NCK2: variants seen among roughly 807,000 people sequenced by gnomAD.
NCK2 encodes the protein NCK adaptor protein 2.
Under a neutral mutation model 33.9 loss-of-function variants are expected in NCK2, and 16 were observed. That is an observed-to-expected ratio of 0.47 (90% CI 0.32 to 0.72). The LOEUF (loss-of-function observed/expected upper bound fraction) is 0.72, where lower values mean the gene tolerates loss of function less well. NCK2 is among the 30% of genes least tolerant of loss of function. The pLI, the probability that NCK2 is intolerant of heterozygous loss-of-function variation, is 0.03. For synonymous variants in NCK2, 273 were observed against 239.9 expected, an observed-to-expected ratio of 1.14 and a Z score of -1.27; for missense variants, 418 against 537.3, an observed-to-expected ratio of 0.78 and a Z score of 2.19.
rs998276512 is a variant in NCK2, at chr2:105,869,411, C to G, written c.227-11917C>G. Among the ~76,000 whole-genome samples the G allele has an allele frequency of 2.0e-5, 3 of 152,128 alleles. No homozygotes were observed. The East Asian group carries it at 5.8e-4, about 29-fold the overall frequency. The stretch of plus-strand genomic sequence containing the variant: ...ACAGCCCCACGGGTACCAGGGGTTT[C>G]CTTGTGTTACAGATGAAGACATGTA... On this transcript the variant is annotated intron_variant, in intron 3 of 4. Coordinates refer to ENST00000233154, the MANE Select transcript of NCK2 (RefSeq NM_003581.5).
chr2:105,745,110 C>T lies in NCK2; in HGVS notation c.-229C>T, dbSNP rs1423095245. The T allele has an allele frequency of 6.8e-5, 10 of 148,002 alleles. No homozygotes were observed. Among genetic ancestry groups the T allele is most frequent in the Admixed American group, 1.3e-4 (2 of 14,906 alleles). 9.2% of individuals were successfully genotyped at this position (148,002 alleles called of 1,614,324 possible). Reference sequence around the variant, plus strand: ...CCGCCCCGGGACCCGCGCCGCTGCCCTCCGGCTCCGCGGGCGGCCCACGGC... The same window carrying T: ...CCGCCCCGGGACCCGCGCCGCTGCCTTCCGGCTCCGCGGGCGGCCCACGGC... On this transcript the variant is annotated 5_prime_UTR_variant, in exon 1 of 5. Transcript: ENST00000233154.
At chr2:105,830,156 A>G (rs1296956314) in intron 2 of NCK2, among the ~76,000 whole-genome samples, 2 of 152,160 alleles carry the variant, frequency 1.3e-5, no homozygotes. Context: ...GCTATCAAAC[A>G]CTAGAACTTA....
At chr2:105,872,560 A>G (rs1678060024) in intron 3 of NCK2, among the ~76,000 whole-genome samples, 1 of 152,172 alleles carries the variant, frequency 6.6e-6, no homozygotes, top group African/African-American at 2.4e-5. Context: ...CTATTTCACT[A>G]GTCTGTGAGG....
At chr2:105,856,392 AG>A (rs1260177199) in intron 3 of NCK2, among the ~76,000 whole-genome samples, 33 of 152,210 alleles carry the variant, frequency 2.2e-4, no homozygotes, top group African/African-American at 6.8e-4. Flanking sequence ...TTATCACTTA[AG>A]GGTTTGCTAG....
intron 3 of NCK2, among the ~76,000 whole-genome samples, chr2:105,870,119 C>T (rs1295483794): frequency 6.6e-6 from 1 of 152,196 alleles, no homozygotes; most frequent in Non-Finnish European, 1.5e-5. Context: ...AAAGGGACTA[C>T]CTGCGCATAG....
upstream of NCK2, among the ~76,000 whole-genome samples, chr2:105,744,486 G>C (rs1423352640): frequency 2.0e-5 from 3 of 152,276 alleles, no homozygotes; most frequent in African/African-American, 7.2e-5. Flanking sequence ...ACAAAAAAGA[G>C]GACGCAAAGC....
In NCK2 at chr2:105,893,384, G is replaced by A; in HGVS notation, c.*208G>A. On this transcript the variant is annotated 3_prime_UTR_variant, in exon 5 of 5. Coordinates refer to ENST00000233154, the MANE Select transcript of NCK2 (RefSeq NM_003581.5). ...CCCACCCGGCCGGCCAGCTTTAGAG[G>A]AGGGGAGGAGCAGGGCGAGTTCACA... 1 of 541,832 alleles carries A rather than the reference G, an allele frequency of 1.8e-6. No homozygotes were observed. The highest frequency in any genetic ancestry group is 3.3e-6 in the Non-Finnish European group (1 of 302,180). 33.6% of individuals were successfully genotyped at this position (541,832 alleles called of 1,614,324 possible).
chr2:105,786,372 C>T (rs1690682295), intron 1 of NCK2, among the ~76,000 whole-genome samples: 1 of 150,868 alleles, frequency 6.6e-6, no homozygotes, highest in Non-Finnish European at 1.5e-5. Context: ...AGGCTGGGGA[C>T]AGGATGGGAG....
In NCK2 at chr2:105,893,438, C is replaced by A; in HGVS notation, c.*262C>A. The A allele has an allele frequency of 2.4e-6, 1 of 419,000 alleles. No individual in the cohort carries two copies. The highest frequency in any genetic ancestry group is 4.4e-6 in the Non-Finnish European group (1 of 227,138). 26.0% of individuals were successfully genotyped at this position (419,000 alleles called of 1,614,324 possible). A position where few individuals can be genotyped will look rare whatever the true frequency, so the allele number is the denominator to read the frequency against. The stretch of plus-strand genomic sequence containing the variant: ...TTCCTTTTCCATCGGAAGTGGCGCT[C>A]GTGCATTCAACTCGTTCCCGCTCAT... On this transcript the variant is annotated 3_prime_UTR_variant, in exon 5 of 5. Transcript: ENST00000233154.
At chr2:105,858,238 A>T (rs755803190) in intron 3 of NCK2, among the ~76,000 whole-genome samples, 1 of 152,074 alleles carries the variant, frequency 6.6e-6, no homozygotes, top group Non-Finnish European at 1.5e-5. Flanking sequence ...AGTACACCAC[A>T]TGTATACTGA....
intron 1 of NCK2, among the ~76,000 whole-genome samples, chr2:105,790,826 G>A (rs539217648): frequency 6.6e-5 from 10 of 152,314 alleles, no homozygotes; most frequent in Admixed American, 1.3e-4. Flanking sequence ...TGGAGGGAAC[G>A]GCCTTTGAGC....
rs891713396 is a variant in NCK2, at chr2:105,793,175, G to T, written c.-200-23255G>T. Among the ~76,000 whole-genome samples, 4 of 152,278 alleles carry T rather than the reference G, an allele frequency of 2.6e-5. No homozygotes were observed. The East Asian group carries it at 7.7e-4, about 29-fold the overall frequency. ...GCCACAGATGTAGGACATCTTTAAT[G>T]AAGGGATTGGGCATTAAAAGCCAGG... On this transcript the variant is annotated intron_variant, in intron 1 of 4. Transcript: ENST00000233154.
chr2:105,837,293 A>G (rs954773555), intron 2 of NCK2, among the ~76,000 whole-genome samples: 3 of 152,164 alleles, frequency 2.0e-5, no homozygotes, highest in African/African-American at 7.2e-5. Context: ...GTTTTACCAC[A>G]TATGTAAGTC....
At chr2:105,878,212 C>T (rs1678314700) in intron 3 of NCK2, among the ~76,000 whole-genome samples, 1 of 152,208 alleles carries the variant, frequency 6.6e-6, no homozygotes, top group African/African-American at 2.4e-5. Flanking sequence ...TCATTGTTAT[C>T]CACAGAGCAC....
At chr2:105,829,532 TC>T (rs1359368826) in intron 2 of NCK2, among the ~76,000 whole-genome samples, 1 of 152,220 alleles carries the variant, frequency 6.6e-6, no homozygotes, top group East Asian at 1.9e-4. Context: ...TTTGAGCTCT[TC>T]TTGGCTGTGA....
At position 105,835,404 on chromosome 2, in the gene NCK2, TAC is replaced by T. The variant is rs1553458577; in HGVS notation, c.-17+18792_-17+18793del. Among the ~76,000 whole-genome samples, 3 of 104,534 alleles carry T rather than the reference TAC, an allele frequency of 2.9e-5. 1 individual carries two copies. Among genetic ancestry groups the T allele is most frequent in the Non-Finnish European group, 4.2e-5 (2 of 47,900 alleles). The allele number at this position is 104,534 out of a possible 152,430, so 68.6% of individuals were successfully genotyped here. On this transcript the variant is annotated intron_variant, in intron 2 of 4. Transcript: ENST00000233154. The stretch of plus-strand genomic sequence containing the variant: ...ATATATACACATATATATATATATA[TAC>T]GTGTATATATATATATATTTTTTTT...
chr2:105,775,193 G>A (rs2104389236), intron 1 of NCK2, among the ~76,000 whole-genome samples: 1 of 152,306 alleles, frequency 6.6e-6, no homozygotes, highest in South Asian at 2.1e-4. Flanking sequence ...CATGTTGTAA[G>A]TAATTTGCAC....
chr2:105,859,789 T>G (rs946145352), intron 3 of NCK2, among the ~76,000 whole-genome samples: 8 of 152,122 alleles, frequency 5.3e-5, no homozygotes, highest in Non-Finnish European at 1.2e-4. Flanking sequence ...GTGTTAGAAT[T>G]AAGATTACAG....
At chr2:105,798,281 T>G (rs1691156276) in intron 1 of NCK2, among the ~76,000 whole-genome samples, 1 of 152,188 alleles carries the variant, frequency 6.6e-6, no homozygotes, top group Non-Finnish European at 1.5e-5. Flanking sequence ...GAAGCCTCCC[T>G]CCTATCCTGG....
Sources: allele counts gnomAD v4.1 joint callset (sites outside exome capture counted in the v4.1 genomes callset), GRCh38; gene constraint gnomAD v4.1.1; transcripts MANE v1.5; gene names NCBI Gene and HGNC (gene_info 2026-07-23, HGNC 2026-07-21).